ADGRB3: variants seen among roughly 807,000 people sequenced by gnomAD.
ADGRB3 encodes the protein adhesion G protein-coupled receptor B3.
Under a neutral mutation model 193.4 loss-of-function variants are expected in ADGRB3, and 37 were observed. The observed-to-expected ratio is 0.19, with a 90% CI of 0.15 to 0.25. ADGRB3 has a LOEUF of 0.25. Among genes scored for constraint, ADGRB3 ranks in the 10% least tolerant of loss-of-function variants. The pLI is 1.00. For missense variants in ADGRB3, 1,637 were observed against 1,852.9 expected (o/e 0.88, Z 2.14); for synonymous variants, 690 against 644.2 (o/e 1.07, Z -1.08).
chr6:69,102,476 C>T (rs9454695), intron 17 of ADGRB3, among the ~76,000 whole-genome samples: 1 of 151,998 alleles, frequency 6.6e-6, no homozygotes, highest in African/African-American at 2.4e-5. Context: ...TTTATGTTTA[C>T]TGTGTTTCAG....
intron 20 of ADGRB3, among the ~76,000 whole-genome samples, chr6:69,260,298 C>G (rs981601658): frequency 2.0e-5 from 3 of 152,006 alleles, no homozygotes; most frequent in Admixed American, 1.3e-4. Context: ...TACATTTCAC[C>G]AGGTTATAGG....
At position 69,319,639 on chromosome 6, in the gene ADGRB3, T is replaced by C. The variant is rs566771855; in HGVS notation, c.2815-5233T>C. Among the ~76,000 whole-genome samples, 38 of 151,502 alleles carry C rather than the reference T, an allele frequency of 2.5e-4. No individual in the cohort carries two copies. The South Asian group carries it at 3.5e-3, about 14-fold the overall frequency. On this transcript the variant is annotated intron_variant, in intron 20 of 31. Coordinates refer to ENST00000370598, the MANE Select transcript of ADGRB3 (RefSeq NM_001704.3). ...TTATTATTGTTTTTATAAAGATGTG[T>C]TCCTTCTGTATCTTCTTTGTGCCTT...
intron 3 of ADGRB3, among the ~76,000 whole-genome samples, chr6:68,705,218 CA>C (rs1765304778): frequency 6.6e-6 from 1 of 152,166 alleles, no homozygotes; most frequent in Non-Finnish European, 1.5e-5. Context: ...CATTCTGTAA[CA>C]CTCAATATAA....
At chr6:69,353,967 G>C (rs1769282440) in intron 26 of ADGRB3, among the ~76,000 whole-genome samples, 1 of 152,204 alleles carries the variant, frequency 6.6e-6, no homozygotes, top group Admixed American at 6.6e-5. Context: ...AGAGGCTGAG[G>C]CAGGAAAATC....
intron 3 of ADGRB3, among the ~76,000 whole-genome samples, chr6:68,751,707 T>C (rs1766201822): frequency 6.6e-6 from 1 of 152,244 alleles, no homozygotes; most frequent in Non-Finnish European, 1.5e-5. Context: ...CACCCTCATC[T>C]ATTTGTAGCC....
At chr6:69,014,847 A>G (rs1770042908) in intron 12 of ADGRB3, among the ~76,000 whole-genome samples, 1 of 151,950 alleles carries the variant, frequency 6.6e-6, no homozygotes, top group African/African-American at 2.4e-5. Context: ...CAATCTTGAA[A>G]AAAAAAGAAT....
chr6:69,179,106 T>C (rs1775510714), intron 17 of ADGRB3, among the ~76,000 whole-genome samples: 1 of 152,238 alleles, frequency 6.6e-6, no homozygotes, highest in South Asian at 2.1e-4. Context: ...TTGGTCACTT[T>C]ACATAATCCA....
intron 3 of ADGRB3, among the ~76,000 whole-genome samples, chr6:68,739,305 T>C (rs1331757801): frequency 6.6e-6 from 1 of 152,196 alleles, no homozygotes; most frequent in Admixed American, 6.6e-5. Flanking sequence ...TAATTGTATA[T>C]TGGCAAGGTA....
At chr6:69,029,968 T>C (rs1040670969) in intron 13 of ADGRB3, among the ~76,000 whole-genome samples, 1 of 118,904 alleles carries the variant, frequency 8.4e-6, no homozygotes, top group African/African-American at 3.7e-5. Flanking sequence ...ATATATGATA[T>C]ATAGAATGCA....
chr6:69,266,931 A>G (rs543081763), intron 20 of ADGRB3, among the ~76,000 whole-genome samples: 58 of 152,202 alleles, frequency 3.8e-4, no homozygotes, highest in African/African-American at 1.3e-3. Context: ...ATACCAGTCT[A>G]AGGTTGTACA....
intron 3 of ADGRB3, among the ~76,000 whole-genome samples, chr6:68,841,382 T>A (rs1768155821): frequency 6.6e-6 from 1 of 152,006 alleles, no homozygotes; most frequent in Non-Finnish European, 1.5e-5. Flanking sequence ...ATTCAAAAAA[T>A]TTGAAATAAT....
In ADGRB3 at chr6:68,784,721, C is replaced by T. The variant is rs115835150; in HGVS notation, c.757+145289C>T. The stretch of plus-strand genomic sequence containing the variant: ...GGTAGAAATGCATTTCTGGTCTGCT[C>T]ACAAACAGATGAAAAATTATTTTCC... On this transcript the variant is annotated intron_variant, in intron 3 of 31. Transcript: ENST00000370598. Among the ~76,000 whole-genome samples, 541 of 152,192 alleles carry T rather than the reference C, an allele frequency of 3.6e-3. 1 individual carries two copies. Among genetic ancestry groups the T allele is most frequent in the African/African-American group, 0.011 (473 of 41,546 alleles).
intron 20 of ADGRB3, among the ~76,000 whole-genome samples, chr6:69,292,396 G>A (rs1242280180): frequency 2.0e-5 from 3 of 151,986 alleles, no homozygotes; most frequent in African/African-American, 4.8e-5. Context: ...TTGATATATA[G>A]GACAAAGAAA....
intron 3 of ADGRB3, among the ~76,000 whole-genome samples, chr6:68,783,736 G>A (rs1360423672): frequency 6.6e-6 from 1 of 151,918 alleles, no homozygotes; most frequent in Admixed American, 6.6e-5. Context: ...GTTGATGATG[G>A]TGTGCTATGG....
chr6:68,688,396 A>G (rs557370650), intron 3 of ADGRB3, among the ~76,000 whole-genome samples: 200 of 152,300 alleles, frequency 1.3e-3, no homozygotes, highest in Non-Finnish European at 2.3e-3. Context: ...ATTCTAAGAT[A>G]TTATAATTTC....
intron 20 of ADGRB3, among the ~76,000 whole-genome samples, chr6:69,280,652 C>T (rs750565264): frequency 6.6e-6 from 1 of 152,100 alleles, no homozygotes; most frequent in East Asian, 1.9e-4. Context: ...CAAGTGCCAT[C>T]CAAATATTTT....
chr6:69,040,343 T>TTCTTTCTTTCTTTC (rs1771000936), intron 13 of ADGRB3, among the ~76,000 whole-genome samples: 6 of 51,358 alleles, frequency 1.2e-4, no homozygotes, highest in Non-Finnish European at 2.4e-4. Flanking sequence ...CTTTCTTTCT[T>TTCTTTCTTTCTTTC]TCTTTCTTTC....
chr6:68,976,351 C>T (rs1768748039), intron 10 of ADGRB3, among the ~76,000 whole-genome samples: 1 of 151,914 alleles, frequency 6.6e-6, no homozygotes, highest in Non-Finnish European at 1.5e-5. Flanking sequence ...CCTTATGAAA[C>T]TTGGAGTTAA....
chr6:68,810,515 C>T (rs1767490579), intron 3 of ADGRB3, among the ~76,000 whole-genome samples: 1 of 152,154 alleles, frequency 6.6e-6, no homozygotes, highest in African/African-American at 2.4e-5. Flanking sequence ...AGGCTGGCTT[C>T]TAGTCAGCAA....
Sources: allele counts gnomAD v4.1 joint callset (sites outside exome capture counted in the v4.1 genomes callset), GRCh38; gene constraint gnomAD v4.1.1; transcripts MANE v1.5; gene names NCBI Gene and HGNC (gene_info 2026-07-23, HGNC 2026-07-21).